SLCO1A2: variants seen among roughly 807,000 people sequenced by gnomAD.
The protein encoded by SLCO1A2 is OATP-1.
In SLCO1A2, 67 loss-of-function variants were observed where a neutral mutation model predicts 69.0. The observed-to-expected ratio is 0.97, with a 90% CI of 0.80 to 1.19. The LOEUF is 1.19. SLCO1A2 is among the 50% of genes most tolerant of loss of function. SLCO1A2 has a pLI of 0.00. For missense variants in SLCO1A2, 787 were observed against 793.7 expected, an observed-to-expected ratio of 0.99 and a Z score of 0.10; for synonymous variants, 260 against 265.9, an observed-to-expected ratio of 0.98 and a Z score of 0.22.
rs541650587 is a variant in SLCO1A2 at position 21,281,413 on chromosome 12, G to A, written c.1611-5989C>T. ...TGCAGTGAGCCAAGATCGCGCCACT[G>A]CACTCTAACTTGAGCGACAGAGTGA... On this transcript the variant is annotated intron_variant, in intron 12 of 14. Transcript: ENST00000683939. 2.0e-4 allele frequency among the ~76,000 whole-genome samples: 30 copies of A among 151,682 alleles called. 1 individual carries two copies. In the South Asian group the frequency reaches 6.0e-3, roughly 30 times the overall value.
chr12:21,343,340 T>C (rs536337788), intron 2 of SLCO1A2, among the ~76,000 whole-genome samples: 3 of 152,272 alleles, frequency 2.0e-5, no homozygotes, highest in African/African-American at 7.2e-5. Context: ...TCTCTTCACA[T>C]ATAGCACTCA....
At chr12:21,363,981 G>A (rs1282357845) in intron 2 of SLCO1A2, among the ~76,000 whole-genome samples, 2 of 152,170 alleles carry the variant, frequency 1.3e-5, no homozygotes, top group African/African-American at 4.8e-5. Flanking sequence ...AAGAGGAGCT[G>A]GTACCATTCC....
Position 21,272,350 on chromosome 12 carries a change from C to T in SLCO1A2, c.1793+2119G>A, listed in dbSNP as rs1263614918. ...ATTCTATATTATCACTCATTTTTGT[C>T]TGTATTTAATATTCATTTGTGGGAC... On this transcript the variant is annotated intron_variant, in intron 14 of 14. Transcript: ENST00000683939. Among the ~76,000 whole-genome samples the T allele has an allele frequency of 2.0e-5, 3 of 151,572 alleles. No homozygotes were observed. In the East Asian group the frequency reaches 5.8e-4, roughly 29 times the overall value.
At chr12:21,375,864 T>C (rs553276445) in intron 1 of SLCO1A2, among the ~76,000 whole-genome samples, 1 of 152,346 alleles carries the variant, frequency 6.6e-6, no homozygotes, top group African/African-American at 2.4e-5. Context: ...AGCTTTAATG[T>C]TTGTTACTAG....
chr12:21,393,209 A>G (rs1444134550), intron 1 of SLCO1A2, among the ~76,000 whole-genome samples: 1 of 152,200 alleles, frequency 6.6e-6, no homozygotes, highest in Non-Finnish European at 1.5e-5. Flanking sequence ...AGATCACATA[A>G]TAAGAACAGA....
intron 2 of SLCO1A2, among the ~76,000 whole-genome samples, chr12:21,369,070 T>TTTA (rs1314347740): frequency 1.3e-5 from 2 of 152,292 alleles, no homozygotes; most frequent in Admixed American, 1.3e-4. Flanking sequence ...AACTACTGTG[T>TTTA]TTATTATTAG....
intron 1 of SLCO1A2, among the ~76,000 whole-genome samples, chr12:21,404,589 G>C (rs2137197704): frequency 6.6e-6 from 1 of 152,228 alleles, no homozygotes. Context: ...TGGCTGTGTA[G>C]TATTACATGG....
chr12:21,270,828 AATG>A (rs1461234259), intron 14 of SLCO1A2, among the ~76,000 whole-genome samples: 1 of 149,238 alleles, frequency 6.7e-6, no homozygotes, highest in Non-Finnish European at 1.5e-5. Context: ...TTTCATCCTT[AATG>A]ATGTTTTATT....
intron 1 of SLCO1A2, chr12:21,376,351 GT>G: frequency 2.8e-6 from 1 of 355,348 alleles, no homozygotes; most frequent in Non-Finnish European, 5.7e-6. Context: ...AATTTTTACT[GT>G]TTTTCAAGAA....
chr12:21,418,614 G>A (rs762261985), upstream of SLCO1A2, among the ~76,000 whole-genome samples: 3 of 152,120 alleles, frequency 2.0e-5, no homozygotes, highest in Non-Finnish European at 4.4e-5. Flanking sequence ...CAGATCTCAT[G>A]AGACTTATTC....
At chr12:21,371,935 C>T (rs1413923417) in intron 2 of SLCO1A2, among the ~76,000 whole-genome samples, 1 of 150,908 alleles carries the variant, frequency 6.6e-6, no homozygotes, top group African/African-American at 2.4e-5. Flanking sequence ...CCGGGAGGCA[C>T]AGGTTACAGT....
At position 21,301,248 on chromosome 12, in the gene SLCO1A2, A is replaced by G; in HGVS notation, c.611T>C (p.Ile204Thr). 6.2e-7 allele frequency: 1 copy of G among 1,611,878 alleles called. No homozygotes were observed. Among genetic ancestry groups the G allele is most frequent in the Middle Eastern group, 1.7e-4 (1 of 6,040 alleles). ...CAAAAGTCCAATCAAAGGACCAATAATAGCTCCTGTTTCTACAAGCCCTAA... is the reference window on the plus strand; with the variant it reads ...CAAAAGTCCAATCAAAGGACCAATAGTAGCTCCTGTTTCTACAAGCCCTAA... ...LYIGLVETGA[I>T]IGPLIGLLLA... is the part of the protein sequence containing the mutation. Residue 204 changes from isoleucine (I) to threonine (T), a missense_variant, in exon 7 of 15, where the codon ATT becomes ACT. Coordinates refer to ENST00000683939, the MANE Select transcript of SLCO1A2 (RefSeq NM_001386879.1).
At chr12:21,287,651 C>A (rs897993846) in intron 12 of SLCO1A2, among the ~76,000 whole-genome samples, 1 of 128,464 alleles carries the variant, frequency 7.8e-6, no homozygotes, top group Admixed American at 7.6e-5. Flanking sequence ...GAAAATGTGG[C>A]ACATATACAC....
At chr12:21,347,501 C>G (rs1335672632) in intron 2 of SLCO1A2, among the ~76,000 whole-genome samples, 1 of 151,990 alleles carries the variant, frequency 6.6e-6, no homozygotes, top group Non-Finnish European at 1.5e-5. Context: ...CAAAAATTAG[C>G]CAGGCATGGT....
chr12:21,308,737 C>G (rs551393956), intron 4 of SLCO1A2, among the ~76,000 whole-genome samples: 1 of 152,210 alleles, frequency 6.6e-6, no homozygotes, highest in Non-Finnish European at 1.5e-5. Flanking sequence ...AACAGGTTAT[C>G]TGCAATTCTG....
chr12:21,408,373 A>G lies in SLCO1A2; in HGVS notation c.-312+9509T>C, dbSNP rs1045879920. On this transcript the variant is annotated intron_variant, in intron 1 of 4. Coordinates refer to the SLCO1A2 transcript ENST00000413682. Reference sequence around the variant, plus strand: ...GAATAAATATCTACCCAAGGTCATCATTCCTCCCTCAGCAACAGTGAAACA... The same window carrying G: ...GAATAAATATCTACCCAAGGTCATCGTTCCTCCCTCAGCAACAGTGAAACA... 5.0e-4 allele frequency among the ~76,000 whole-genome samples: 76 copies of G among 151,942 alleles called. 1 individual carries two copies. Among genetic ancestry groups the G allele is most frequent in the Admixed American group, 5.9e-4 (9 of 15,242 alleles).
intron 4 of SLCO1A2, 42 bp downstream of exon 4, chr12:21,314,507 G>GT (rs770016749): frequency 2.2e-5 from 35 of 1,610,492 alleles, no homozygotes; most frequent in Admixed American, 1.0e-4. Flanking sequence ...TTTCCTGCAA[G>GT]TGAAATTTGA....
chr12:21,369,260 T>G (rs941519496), intron 2 of SLCO1A2, among the ~76,000 whole-genome samples: 119 of 152,230 alleles, frequency 7.8e-4, no homozygotes, highest in African/African-American at 2.8e-3. Flanking sequence ...CCTTTATTCA[T>G]GTCATTGTCA....
intron 2 of SLCO1A2, among the ~76,000 whole-genome samples, chr12:21,365,608 G>T (rs945560841): frequency 2.6e-5 from 4 of 152,072 alleles, no homozygotes; most frequent in African/African-American, 9.7e-5. Context: ...GAGTGAACAG[G>T]CAACCTACAG....
Sources: allele counts gnomAD v4.1 joint callset (sites outside exome capture counted in the v4.1 genomes callset), GRCh38; gene constraint gnomAD v4.1.1; transcripts MANE v1.5; gene names NCBI Gene and HGNC (gene_info 2026-07-23, HGNC 2026-07-21).